Variants in KIN observed in about 807,000 individuals in gnomAD.
The protein encoded by KIN is Kin17 DNA and RNA binding protein, also known as DNA/RNA-binding protein KIN17.
Under a neutral mutation model 63.0 loss-of-function variants are expected in KIN, and 47 were observed. That is an observed-to-expected ratio of 0.75 (90% CI 0.59 to 0.95). The LOEUF (loss-of-function observed/expected upper bound fraction) is 0.95. Among genes scored for constraint, KIN ranks in the 40% least tolerant of loss-of-function variants. The pLI, the probability that KIN is intolerant of heterozygous loss-of-function variation, is 0.00. For missense variants in KIN, 408 were observed against 460.9 expected (o/e 0.89, Z 1.05); for synonymous variants, 160 against 157.7 (o/e 1.01, Z -0.11).
At chr10:7,774,133 T>C (rs1286496336) in intron 7 of KIN, among the ~76,000 whole-genome samples, 2 of 152,230 alleles carry the variant, frequency 1.3e-5, no homozygotes, top group Non-Finnish European at 2.9e-5. Flanking sequence ...CAAAGACATC[T>C]GGCCGAAAAG....
intron 2 of KIN, 51 bp from the exon 3 acceptor site, chr10:7,780,358 C>T (rs769851069): frequency 1.9e-5 from 28 of 1,444,074 alleles, no homozygotes; most frequent in Non-Finnish European, 2.7e-5. Context: ...AAACATATAG[C>T]ATCATCTTTT....
chr10:7,780,325 G>A lies in KIN; in HGVS notation c.210-18C>T, dbSNP rs754282226. The A allele has an allele frequency of 2.8e-5, 44 of 1,583,470 alleles. No individual in the cohort carries two copies. The highest frequency in any genetic ancestry group is 3.6e-5 in the Non-Finnish European group (42 of 1,160,824). On this transcript the variant is annotated intron_variant, in intron 2 of 12. Coordinates refer to ENST00000379562, the MANE Select transcript of KIN (RefSeq NM_012311.4). ...GGAATTCCCTAATAAAGAAAGAAAG[G>A]AAAGCATTAAGGTAATTTCTACAAA... is the stretch of plus-strand genomic sequence containing the variant.
chr10:7,786,085 C>T (rs1835998052), intron 1 of KIN, among the ~76,000 whole-genome samples: 1 of 152,106 alleles, frequency 6.6e-6, no homozygotes, highest in Admixed American at 6.5e-5. Flanking sequence ...GTAGTTTCAT[C>T]CATGGTAACA....
Position 7,756,015 on chromosome 10 carries a change from A to G in KIN, c.*65T>C. The G allele has an allele frequency of 1.1e-6, 1 of 948,498 alleles. No individual in the cohort carries two copies. Among genetic ancestry groups the G allele is most frequent in the South Asian group, 1.5e-5 (1 of 65,848 alleles). 58.8% of individuals were successfully genotyped at this position (948,498 alleles called of 1,614,324 possible). A position where few individuals can be genotyped will look rare whatever the true frequency, so the allele number is the denominator to read the frequency against. On this transcript the variant is annotated 3_prime_UTR_variant, in exon 13 of 13. Coordinates refer to ENST00000379562, the MANE Select transcript of KIN (RefSeq NM_012311.4). ...ATACCCTAACACAGTAGAGTCTCATAATGCCTTGGCGAACACCAATTTGAT... is the reference window on the plus strand; with the variant it reads ...ATACCCTAACACAGTAGAGTCTCATGATGCCTTGGCGAACACCAATTTGAT...
At chr10:7,775,036 C>A (rs547784860) in intron 6 of KIN, 145 bp from the exon 7 acceptor site, 1 of 626,696 alleles carries the variant, frequency 1.6e-6, no homozygotes, top group East Asian at 2.7e-5. Context: ...ACGGAGACCA[C>A]ACATTCCTGT....
intron 7 of KIN, among the ~76,000 whole-genome samples, chr10:7,774,301 A>G (rs1482421045): frequency 6.6e-6 from 1 of 152,254 alleles, no homozygotes; most frequent in Non-Finnish European, 1.5e-5. Flanking sequence ...CTCTATTCTC[A>G]GAAAACTCAC....
intron 8 of KIN, among the ~76,000 whole-genome samples, chr10:7,768,293 G>C (rs1224329152): frequency 6.6e-6 from 1 of 152,150 alleles, no homozygotes; most frequent in Admixed American, 6.5e-5. Flanking sequence ...GTCAAGGTAG[G>C]CAGATCATTT....
chr10:7,765,278 G>C (rs951438258), intron 9 of KIN, among the ~76,000 whole-genome samples: 6 of 151,652 alleles, frequency 4.0e-5, no homozygotes, highest in Non-Finnish European at 7.4e-5. Flanking sequence ...GGGCAAAAGA[G>C]TAAAACCTTG....
In KIN at chr10:7,755,894, G is replaced by T. The variant is rs1835323081; in HGVS notation, c.*186C>A. The T allele has an allele frequency of 2.4e-6, 1 of 417,280 alleles. No homozygotes were observed. The highest frequency in any genetic ancestry group is 4.2e-5 in the Admixed American group (1 of 23,928). The allele number at this position is 417,280 out of a possible 1,614,324, so 25.8% of individuals were successfully genotyped here. A position where few individuals can be genotyped will look rare whatever the true frequency, so the allele number is the denominator to read the frequency against. On this transcript the variant is annotated 3_prime_UTR_variant, in exon 13 of 13. Coordinates refer to ENST00000379562, the MANE Select transcript of KIN (RefSeq NM_012311.4). The stretch of plus-strand genomic sequence containing the variant: ...TAACAAGGACAAAATTACATAGTTT[G>T]ATACCTCATGAGACATAATTAAATT...
At chr10:7,774,793 C>T (rs746719050) in intron 7 of KIN, 38 bp downstream of exon 7, 1 of 1,508,592 alleles carries the variant, frequency 6.6e-7, no homozygotes, top group South Asian at 1.1e-5. Context: ...TCACAAAAAT[C>T]CTAATGTTTT....
intron 6 of KIN, among the ~76,000 whole-genome samples, chr10:7,775,102 G>A (rs917063731): frequency 7.2e-5 from 11 of 152,170 alleles, no homozygotes; most frequent in Admixed American, 2.6e-4. Context: ...CCGTGTCACC[G>A]TGGCAGACCA....
intron 7 of KIN, among the ~76,000 whole-genome samples, chr10:7,774,015 G>C (rs1331801458): frequency 6.6e-6 from 1 of 152,228 alleles, no homozygotes; most frequent in African/African-American, 2.4e-5. Context: ...AATGCCAGCT[G>C]CCACCGGCTT....
chr10:7,762,239 C>T (rs895697570), intron 11 of KIN, among the ~76,000 whole-genome samples: 1 of 151,448 alleles, frequency 6.6e-6, no homozygotes, highest in African/African-American at 2.4e-5. Context: ...AAAAAGTATT[C>T]CAGGAAAGGA....
intron 12 of KIN, among the ~76,000 whole-genome samples, chr10:7,756,498 ACGGTCCAGACGTGCT>A (rs1835335544): frequency 6.6e-6 from 1 of 152,160 alleles, no homozygotes; most frequent in Non-Finnish European, 1.5e-5. Context: ...AACAGAAGTG[ACGGTCCAGACGTGCT>A]ATAACTGACA....
intron 5 of KIN, among the ~76,000 whole-genome samples, chr10:7,776,555 A>G (rs1054475268): frequency 1.1e-4 from 17 of 149,110 alleles, no homozygotes; most frequent in Admixed American, 4.0e-4. Context: ...ACTTGGTGAA[A>G]CCCCGTCTCT....
rs74121651 is a variant in KIN, at chr10:7,764,239, A to G, written c.850-448T>C. ...AGGCACTGAGCCTGCAAGCTTATGC[A>G]GGACAGTTCTCACTATGCCCCTTTC... is the stretch of plus-strand genomic sequence containing the variant. On this transcript the variant is annotated intron_variant, in intron 9 of 12. Transcript: ENST00000379562. 7.1e-3 allele frequency among the ~76,000 whole-genome samples: 1,080 copies of G among 152,346 alleles called. 8 individuals are homozygous for G. Among genetic ancestry groups the G allele is most frequent in the African/African-American group, 0.025 (1,020 of 41,588 alleles).
At chr10:7,782,455 A>T (rs568766201) in intron 2 of KIN, among the ~76,000 whole-genome samples, 1 of 150,848 alleles carries the variant, frequency 6.6e-6, no homozygotes, top group East Asian at 2.0e-4. Flanking sequence ...CTAGAGTGCA[A>T]TGGTGCAATC....
At chr10:7,775,027 C>T (rs1244049312) in intron 6 of KIN, 136 bp from the exon 7 acceptor site, 15 of 647,310 alleles carry the variant, frequency 2.3e-5, no homozygotes, top group Middle Eastern at 4.2e-4. Context: ...TGTTCCTATA[C>T]GGAGACCACA....
At chr10:7,782,059 CAAT>C (rs1835908240) in intron 2 of KIN, among the ~76,000 whole-genome samples, 1 of 152,020 alleles carries the variant, frequency 6.6e-6, no homozygotes, top group Admixed American at 6.6e-5. Flanking sequence ...ACTCCCGTCT[CAAT>C]AATAATAACA....
Sources: allele counts gnomAD v4.1 joint callset (sites outside exome capture counted in the v4.1 genomes callset), GRCh38; gene constraint gnomAD v4.1.1; transcripts MANE v1.5; gene names NCBI Gene and HGNC (gene_info 2026-07-23, HGNC 2026-07-21).